Variants in MAP4K4 observed in about 807,000 individuals in gnomAD.
MAP4K4 encodes the protein HPK/GCK-like kinase HGK.
MAP4K4 carries 38 observed loss-of-function variants against 189.6 expected under a neutral mutation model. The observed-to-expected ratio is 0.20, with a 90% CI of 0.15 to 0.26. The LOEUF is 0.26. MAP4K4 is among the 10% of genes least tolerant of loss of function. The pLI, the probability that MAP4K4 is intolerant of heterozygous loss-of-function variation, is 1.00. For missense variants in MAP4K4, 1,054 were observed against 1,726.9 expected, an observed-to-expected ratio of 0.61 and a Z score of 6.91; for synonymous variants, 610 against 624.3, an observed-to-expected ratio of 0.98 and a Z score of 0.34.
At chr2:101,813,817 T>C (rs1401966133) in intron 3 of MAP4K4, among the ~76,000 whole-genome samples, 2 of 152,164 alleles carry the variant, frequency 1.3e-5, no homozygotes, top group African/African-American at 2.4e-5. Flanking sequence ...TAAGGTCGGT[T>C]TGAGTAACTA....
At chr2:101,790,830 C>G in intron 3 of MAP4K4, 54 bp downstream of exon 3, 1 of 1,373,636 alleles carries the variant, frequency 7.3e-7, no homozygotes, top group Non-Finnish European at 1.0e-6. Flanking sequence ...GACAAAGATT[C>G]CCCCAACAAC....
exon 1 of MAP4K4, chr2:101,698,021 A>C: frequency 3.4e-6 from 4 of 1,177,284 alleles, no homozygotes; most frequent in Non-Finnish European, 4.5e-6. Flanking sequence ...TCTGCGGCTG[A>C]GATACACAGA....
At chr2:101,697,964 A>C (rs2035195536) in exon 1 of MAP4K4, 2 of 505,368 alleles carry the variant, frequency 4.0e-6, no homozygotes, top group Non-Finnish European at 6.0e-6. Context: ...CGAGGAGAGT[A>C]CCGGGCCGGC....
intron 2 of MAP4K4, among the ~76,000 whole-genome samples, chr2:101,767,125 G>A (rs2078966269): frequency 6.6e-6 from 1 of 152,160 alleles, no homozygotes; most frequent in Non-Finnish European, 1.5e-5. Flanking sequence ...CATCTAATTG[G>A]TTGTGGAAGG....
At chr2:101,812,045 G>T (rs1307200141) in intron 3 of MAP4K4, among the ~76,000 whole-genome samples, 4 of 152,136 alleles carry the variant, frequency 2.6e-5, no homozygotes, top group Non-Finnish European at 5.9e-5. Flanking sequence ...TACCACTTGA[G>T]AGACTTTGTA....
chr2:101,741,238 G>A (rs2062662211), intron 2 of MAP4K4, among the ~76,000 whole-genome samples: 2 of 149,876 alleles, frequency 1.3e-5, no homozygotes, highest in Admixed American at 1.3e-4. Context: ...CGTGATCTTG[G>A]CTCACTGCAA....
chr2:101,887,968 G>A, intron 31 of MAP4K4, 31 bp downstream of exon 31: 3 of 1,550,538 alleles, frequency 1.9e-6, no homozygotes, highest in Non-Finnish European at 2.6e-6. Context: ...GGCAGCATTT[G>A]TGAAAATGGA....
intron 3 of MAP4K4, among the ~76,000 whole-genome samples, chr2:101,792,550 A>G (rs1223698654): frequency 6.6e-6 from 1 of 152,010 alleles, no homozygotes; most frequent in African/African-American, 2.4e-5. Flanking sequence ...ATAGGAAAAT[A>G]TAAAGAAAAA....
chr2:101,810,418 T>C (rs2095344162), intron 3 of MAP4K4, among the ~76,000 whole-genome samples: 2 of 152,202 alleles, frequency 1.3e-5, no homozygotes, highest in Non-Finnish European at 2.9e-5. Flanking sequence ...CCATAATTAA[T>C]ATATAAGTAA....
chr2:101,732,751 G>A (rs2059010809), intron 2 of MAP4K4, among the ~76,000 whole-genome samples: 1 of 152,156 alleles, frequency 6.6e-6, no homozygotes, highest in South Asian at 2.1e-4. Flanking sequence ...ACCATGCCCA[G>A]CTAATTTTTG....
At chr2:101,722,915 A>G (rs1460101028) in intron 2 of MAP4K4, among the ~76,000 whole-genome samples, 1 of 152,228 alleles carries the variant, frequency 6.6e-6, no homozygotes, top group African/African-American at 2.4e-5. Flanking sequence ...TCACACTGCT[A>G]TAGAGAACTC....
chr2:101,787,631 G>A (rs527886293), intron 2 of MAP4K4, among the ~76,000 whole-genome samples: 13 of 152,246 alleles, frequency 8.5e-5, no homozygotes, highest in African/African-American at 3.1e-4. Flanking sequence ...AACTCTTGGT[G>A]TAGCTTCCTT....
chr2:101,700,257 G>GT (rs1443447429), intron 2 of MAP4K4, among the ~76,000 whole-genome samples: 1 of 152,164 alleles, frequency 6.6e-6, no homozygotes, highest in Non-Finnish European at 1.5e-5. Context: ...GCTGTTTATG[G>GT]TAAGAGTTTA....
intron 26 of MAP4K4, among the ~76,000 whole-genome samples, chr2:101,875,261 C>G (rs1242043182): frequency 6.6e-6 from 1 of 152,112 alleles, no homozygotes; most frequent in Non-Finnish European, 1.5e-5. Flanking sequence ...AGGATATAGT[C>G]AGGGCAGAAT....
chr2:101,717,986 G>T (rs1325812678), intron 2 of MAP4K4, among the ~76,000 whole-genome samples: 1 of 151,910 alleles, frequency 6.6e-6, no homozygotes, highest in Non-Finnish European at 1.5e-5. Flanking sequence ...GCCAGGCATG[G>T]TGGCTTATGC....
chr2:101,797,291 G>A (rs149465289), intron 3 of MAP4K4: 75 of 1,290,806 alleles, frequency 5.8e-5, no homozygotes, highest in Non-Finnish European at 7.5e-5. Context: ...GCTTCGTACT[G>A]GCTTCTTCTG....
At chr2:101,698,353 G>T in intron 1 of MAP4K4, 120 bp from the exon 2 acceptor site, 1 of 999,820 alleles carries the variant, frequency 1.0e-6, no homozygotes, top group Non-Finnish European at 1.6e-6. Flanking sequence ...GGCGCTGGGG[G>T]ACCGCGCGGG....
At chr2:101,711,326 A>G (rs2045423520) in intron 2 of MAP4K4, among the ~76,000 whole-genome samples, 1 of 152,096 alleles carries the variant, frequency 6.6e-6, no homozygotes, top group African/African-American at 2.4e-5. Context: ...TTTTTAAGAC[A>G]GAGCTGCAAC....
chr2:101,766,718 G>A (rs1355528718), intron 2 of MAP4K4, among the ~76,000 whole-genome samples: 1 of 149,656 alleles, frequency 6.7e-6, no homozygotes, highest in Non-Finnish European at 1.5e-5. Flanking sequence ...TTCCCTTTAT[G>A]TTTCCTGTTC....
Sources: allele counts gnomAD v4.1 joint callset (sites outside exome capture counted in the v4.1 genomes callset), GRCh38; gene constraint gnomAD v4.1.1; transcripts MANE v1.5; gene names NCBI Gene and HGNC (gene_info 2026-07-23, HGNC 2026-07-21).